ADAMTS16: variants seen among roughly 807,000 people sequenced by gnomAD.
ADAMTS16 encodes A disintegrin and metalloproteinase with thrombospondin motifs 16.
A neutral mutation model predicts 145.8 loss-of-function variants in ADAMTS16; 94 were observed. The ratio of observed to expected loss-of-function variants is 0.64; its 90% CI spans 0.55 to 0.77. ADAMTS16 has a LOEUF of 0.77. Ranked by LOEUF, ADAMTS16 falls within the 30% of genes least tolerant of loss-of-function variation. The pLI, the probability that ADAMTS16 is intolerant of heterozygous loss-of-function variation, is 0.00. For synonymous variants in ADAMTS16, 659 were observed against 604.3 expected (o/e 1.09, Z -1.33); for missense variants, 1,585 against 1,591.5 (o/e 1.00, Z 0.07).
Position 5,209,085 on chromosome 5 carries a change from T to C in ADAMTS16, c.1452-8T>C. On this transcript the variant is annotated splice_region_variant and splice_polypyrimidine_tract_variant and intron_variant, in intron 9 of 22. Coordinates refer to ENST00000274181, the MANE Select transcript of ADAMTS16 (RefSeq NM_139056.4). The stretch of plus-strand genomic sequence containing the variant: ...AGTTACTAGTAGCTCATCTCCTCTT[T>C]GTTTCAGCACCGCTCAAGCTATCTG... 1 of 1,611,318 alleles carries C rather than the reference T, an allele frequency of 6.2e-7. No individual in the cohort carries two copies. The highest frequency in any genetic ancestry group is 1.1e-5 in the South Asian group (1 of 90,508).
intron 3 of ADAMTS16, among the ~76,000 whole-genome samples, chr5:5,147,126 A>G (rs1021633586): frequency 3.3e-5 from 5 of 152,178 alleles, no homozygotes; most frequent in African/African-American, 9.7e-5. Flanking sequence ...CCTCAGGCCT[A>G]CCCAAGTCAA....
intron 18 of ADAMTS16, among the ~76,000 whole-genome samples, chr5:5,284,344 T>A (rs1216006379): frequency 6.6e-6 from 1 of 152,222 alleles, no homozygotes; most frequent in Non-Finnish European, 1.5e-5. Flanking sequence ...CTTATTTCAG[T>A]TTCACTTTAA....
chr5:5,263,258 C>G (rs539221158), intron 18 of ADAMTS16, among the ~76,000 whole-genome samples: 1 of 152,162 alleles, frequency 6.6e-6, no homozygotes, highest in South Asian at 2.1e-4. Flanking sequence ...TCTTGTCATC[C>G]ACTCTACCCT....
At chr5:5,311,958 C>A (rs1475963977) in intron 21 of ADAMTS16, among the ~76,000 whole-genome samples, 1 of 152,086 alleles carries the variant, frequency 6.6e-6, no homozygotes, top group Non-Finnish European at 1.5e-5. Context: ...ACCTTGTAAT[C>A]CACTCGCCTC....
chr5:5,190,723 A>T (rs964269615), intron 7 of ADAMTS16, among the ~76,000 whole-genome samples: 1 of 152,086 alleles, frequency 6.6e-6, no homozygotes, highest in Non-Finnish European at 1.5e-5. Context: ...GTTTATAAAA[A>T]CTTTCAGATA....
At chr5:5,159,204 G>A (rs1217513892) in intron 3 of ADAMTS16, among the ~76,000 whole-genome samples, 1 of 152,214 alleles carries the variant, frequency 6.6e-6, no homozygotes. Flanking sequence ...CTCTACATGA[G>A]AAGAAAGATA....
intron 6 of ADAMTS16, among the ~76,000 whole-genome samples, chr5:5,189,162 G>A (rs926671218): frequency 6.6e-6 from 1 of 152,172 alleles, no homozygotes; most frequent in Non-Finnish European, 1.5e-5. Context: ...CTTTAAACAA[G>A]CCAGTGTCCT....
chr5:5,255,796 T>C (rs1344032031), intron 17 of ADAMTS16, among the ~76,000 whole-genome samples: 1 of 152,250 alleles, frequency 6.6e-6, no homozygotes, highest in African/African-American at 2.4e-5. Context: ...CCTCTGTTTC[T>C]AATATATTGA....
intron 5 of ADAMTS16, 48 bp downstream of exon 5, chr5:5,186,299 AGG>A: frequency 9.6e-7 from 1 of 1,040,890 alleles, no homozygotes; most frequent in Non-Finnish European, 1.4e-6. Context: ...TGCACTTCGT[AGG>A]GTGTGTGTGT....
At chr5:5,274,962 C>G (rs1384012286) in intron 18 of ADAMTS16, among the ~76,000 whole-genome samples, 1 of 152,116 alleles carries the variant, frequency 6.6e-6, no homozygotes, top group East Asian at 1.9e-4. Flanking sequence ...AAAACCGTGG[C>G]ACATGCTTCA....
At chr5:5,240,907 G>A (rs1737268086) in intron 16 of ADAMTS16, among the ~76,000 whole-genome samples, 1 of 151,996 alleles carries the variant, frequency 6.6e-6, no homozygotes, top group Non-Finnish European at 1.5e-5. Context: ...ACCATCTAAG[G>A]CTTTTAGCTT....
chr5:5,168,494 T>C (rs1235080170), intron 3 of ADAMTS16, among the ~76,000 whole-genome samples: 1 of 144,264 alleles, frequency 6.9e-6, no homozygotes, highest in African/African-American at 2.5e-5. Flanking sequence ...AAAAAAAGCA[T>C]TCAGGACTTT....
At chr5:5,233,053 G>A (rs115738781) in intron 12 of ADAMTS16, among the ~76,000 whole-genome samples, 2,924 of 152,042 alleles carry the variant, frequency 0.019, 101 homozygotes, top group African/African-American at 0.066. Context: ...AATAACAGCA[G>A]CAACAGTGAT....
At chr5:5,230,076 GC>G (rs1324383236) in intron 11 of ADAMTS16, among the ~76,000 whole-genome samples, 1 of 152,098 alleles carries the variant, frequency 6.6e-6, no homozygotes, top group Non-Finnish European at 1.5e-5. Flanking sequence ...CCTAACCAAT[GC>G]CTTAGATCCA....
Position 5,209,209 on chromosome 5 carries a change from G to T in ADAMTS16, c.1568G>T (p.Gly523Val), listed in dbSNP as rs776896008. ...AACACACAGTGCAAGTGGCAGTTCG[G>T]AGAGAAAGCCAAGCTCTGCATGCTG... ...DANTQCKWQF[G>V]EKAKLCMLDF... is the part of the protein sequence containing the mutation. The change falls in exon 10 of 23, where the codon GGA becomes GTA. Residue 523 changes from glycine (G) to valine (V), a missense_variant. Coordinates refer to ENST00000274181, the MANE Select transcript of ADAMTS16 (RefSeq NM_139056.4). 6.2e-7 allele frequency: 1 copy of T among 1,614,012 alleles called. No individual in the cohort carries two copies. The highest frequency in any genetic ancestry group is 2.2e-5 in the East Asian group (1 of 44,878).
intron 17 of ADAMTS16, among the ~76,000 whole-genome samples, chr5:5,252,569 C>T (rs373173405): frequency 6.6e-6 from 1 of 152,070 alleles, no homozygotes; most frequent in African/African-American, 2.4e-5. Context: ...GGACCGCCCC[C>T]CTCATATGAC....
chr5:5,198,355 G>A (rs1044024914), intron 8 of ADAMTS16, among the ~76,000 whole-genome samples: 2 of 152,160 alleles, frequency 1.3e-5, no homozygotes, highest in Non-Finnish European at 2.9e-5. Context: ...TCAGAGAATG[G>A]GTGGAGGCTA....
chr5:5,183,334 C>T (rs376708755), intron 4 of ADAMTS16, among the ~76,000 whole-genome samples: 9 of 152,308 alleles, frequency 5.9e-5, no homozygotes, highest in African/African-American at 1.9e-4. Flanking sequence ...TTGAAAAGGG[C>T]GTGCATATCG....
At chr5:5,272,341 T>C (rs1738512434) in intron 18 of ADAMTS16, among the ~76,000 whole-genome samples, 1 of 150,116 alleles carries the variant, frequency 6.7e-6, no homozygotes, top group African/African-American at 2.4e-5. Flanking sequence ...CGGCTGTTGC[T>C]GATATGAAAT....
Sources: allele counts gnomAD v4.1 joint callset (sites outside exome capture counted in the v4.1 genomes callset), GRCh38; gene constraint gnomAD v4.1.1; transcripts MANE v1.5; gene names NCBI Gene and HGNC (gene_info 2026-07-23, HGNC 2026-07-21).